The following GALNT18 variants were observed in gnomAD, a reference collection of about 807,000 sequenced individuals.
The protein encoded by GALNT18 is polypeptide N-acetylgalactosaminyltransferase 18.
A neutral mutation model predicts 69.5 loss-of-function variants in GALNT18; 44 were observed. That is an observed-to-expected ratio of 0.63 (90% CI 0.50 to 0.81). The LOEUF is 0.81. Among genes scored for constraint, GALNT18 ranks in the 40% least tolerant of loss-of-function variants. The probability of loss-of-function intolerance (pLI) is 0.00; values close to 1 mark genes in which losing one functional copy is unlikely to be tolerated. For synonymous variants in GALNT18, 364 were observed against 318.2 expected, an observed-to-expected ratio of 1.14 and a Z score of -1.53; for missense variants, 715 against 810.0, an observed-to-expected ratio of 0.88 and a Z score of 1.42.
intron 3 of GALNT18, among the ~76,000 whole-genome samples, chr11:11,381,720 C>G (rs12292122): frequency 0.033 from 5,088 of 152,276 alleles, 265 homozygotes; most frequent in African/African-American, 0.11. Flanking sequence ...CCCACAAAGG[C>G]CCCAGACAGG....
In GALNT18 at chr11:11,357,808, C is replaced by G. The variant is rs150585858; in HGVS notation, c.1092+14707G>C. 2.6e-5 allele frequency among the ~76,000 whole-genome samples: 4 copies of G among 152,262 alleles called. No homozygotes were observed. The East Asian group carries it at 7.7e-4, about 29-fold the overall frequency. ...GAATATAAGTTCTATGAGGGCAAAC[C>G]TAAGTTATCTCATTCATCACTGCAT... is the stretch of plus-strand genomic sequence containing the variant. On this transcript the variant is annotated intron_variant, in intron 6 of 10. Coordinates refer to ENST00000227756, the MANE Select transcript of GALNT18 (RefSeq NM_198516.3).
chr11:11,357,678 T>G (rs773667738), intron 6 of GALNT18, among the ~76,000 whole-genome samples: 5 of 152,188 alleles, frequency 3.3e-5, no homozygotes, highest in Non-Finnish European at 7.3e-5. Flanking sequence ...GCAAGTTCCT[T>G]AACTTCTCTG....
chr11:11,284,891 C>G (rs1849160207), intron 10 of GALNT18, among the ~76,000 whole-genome samples: 1 of 119,556 alleles, frequency 8.4e-6, no homozygotes, highest in Admixed American at 8.5e-5. Context: ...ACCTGATTTA[C>G]TAGTAAAGAC....
intron 3 of GALNT18, among the ~76,000 whole-genome samples, chr11:11,386,267 C>A (rs1252928718): frequency 6.6e-6 from 1 of 152,116 alleles, no homozygotes; most frequent in African/African-American, 2.4e-5. Flanking sequence ...AGTCCAGGTC[C>A]CCACAGCAGT....
chr11:11,351,420 G>C lies in GALNT18; in HGVS notation c.1093-10416C>G, dbSNP rs76550858. ...GGCAACTCCACTTACGCAAGAGGGA[G>C]CCAGCTGGTGAGGCCAGGGCTGCAG... On this transcript the variant is annotated intron_variant, in intron 6 of 10. Transcript: ENST00000227756. Among the ~76,000 whole-genome samples, 562 of 152,316 alleles carry C rather than the reference G, an allele frequency of 3.7e-3. 3 individuals carry two copies. Among genetic ancestry groups the C allele is most frequent in the African/African-American group, 0.013 (547 of 41,570 alleles).
intron 3 of GALNT18, among the ~76,000 whole-genome samples, chr11:11,400,394 C>T (rs1444168700): frequency 6.6e-6 from 1 of 152,166 alleles, no homozygotes; most frequent in Non-Finnish European, 1.5e-5. Context: ...ACAAAGTGTT[C>T]CTTCATATCC....
chr11:11,351,550 G>T (rs2133066939), intron 6 of GALNT18, among the ~76,000 whole-genome samples: 1 of 152,224 alleles, frequency 6.6e-6, no homozygotes, highest in African/African-American at 2.4e-5. Flanking sequence ...TCAAGTCCAG[G>T]CATATCTATG....
chr11:11,507,005 G>GAA (rs1227031953), intron 1 of GALNT18, among the ~76,000 whole-genome samples: 4 of 152,202 alleles, frequency 2.6e-5, no homozygotes, highest in Non-Finnish European at 5.9e-5. Flanking sequence ...GCACCTGCAA[G>GAA]AAAGTTACTC....
chr11:11,292,637 G>A (rs555488028), intron 10 of GALNT18, among the ~76,000 whole-genome samples: 1 of 152,238 alleles, frequency 6.6e-6, no homozygotes, highest in East Asian at 1.9e-4. Context: ...TAGGAGAAAC[G>A]TGAAGGTTTA....
chr11:11,379,724 T>G (rs1229424694), intron 3 of GALNT18, among the ~76,000 whole-genome samples: 3 of 152,162 alleles, frequency 2.0e-5, no homozygotes, highest in Admixed American at 2.0e-4. Context: ...CAGGGGAAGA[T>G]CCCTCTGCCA....
chr11:11,471,340 G>A (rs957581103), intron 1 of GALNT18, among the ~76,000 whole-genome samples: 5 of 152,160 alleles, frequency 3.3e-5, no homozygotes, highest in African/African-American at 9.7e-5. Context: ...GATAAGTCAT[G>A]CCCCACTTTA....
chr11:11,377,429 A>G lies in GALNT18; in HGVS notation c.780-50T>C. 6.4e-7 allele frequency: 1 copy of G among 1,557,196 alleles called. No individual in the cohort carries two copies. The highest frequency in any genetic ancestry group is 8.8e-7 in the Non-Finnish European group (1 of 1,130,264). ...GAGGGTAACCATTTCCAAGGTGGAAAAATCCAGAGTAGCATCTCCTGAAGG... is the reference window on the plus strand; with the variant it reads ...GAGGGTAACCATTTCCAAGGTGGAAGAATCCAGAGTAGCATCTCCTGAAGG... On this transcript the variant is annotated intron_variant, in intron 4 of 10. Transcript: ENST00000227756. This position sits in a 1 kb window ranked among gnomAD's most constrained non-coding sequence, Gnocchi z 4.6.
chr11:11,500,173 T>G lies in GALNT18; in HGVS notation c.236-51237A>C, dbSNP rs1856945810. 6.6e-6 allele frequency among the ~76,000 whole-genome samples: 1 copy of G among 152,152 alleles called. No individual in the cohort carries two copies. The highest frequency in any genetic ancestry group is 2.4e-5 in the African/African-American group (1 of 41,438). ...TCAAATAGGATCTCAAAGCAAGTGA[T>G]AAGGAAATAGGAGCCTATAGGGAGA... On this transcript the variant is annotated intron_variant, in intron 1 of 10. Coordinates refer to ENST00000227756, the MANE Select transcript of GALNT18 (RefSeq NM_198516.3). The surrounding 1 kb of genome is among the most constrained non-coding windows in gnomAD (Gnocchi z 5.0).
At chr11:11,514,560 T>C (rs1590064881) in intron 1 of GALNT18, among the ~76,000 whole-genome samples, 1 of 152,308 alleles carries the variant, frequency 6.6e-6, no homozygotes, top group East Asian at 1.9e-4. Flanking sequence ...TTGTCACCCA[T>C]CGGATTGCAG....
At position 11,338,777 on chromosome 11, in the gene GALNT18, T is replaced by C. The variant is rs1433525019; in HGVS notation, c.1278+2042A>G. ...GAGTAGATGATATTACCCAGGGAGA[T>C]GCGGAATAATGAGAGCAGTCTGCCA... On this transcript the variant is annotated intron_variant, in intron 7 of 10. Coordinates refer to ENST00000227756, the MANE Select transcript of GALNT18 (RefSeq NM_198516.3). This position sits in a 1 kb window ranked among gnomAD's most constrained non-coding sequence, Gnocchi z 5.3. 6.6e-6 allele frequency among the ~76,000 whole-genome samples: 1 copy of C among 151,924 alleles called. No individual in the cohort carries two copies. The highest frequency in any genetic ancestry group is 1.5e-5 in the Non-Finnish European group (1 of 67,984).
At chr11:11,502,283 C>G (rs1043532299) in intron 1 of GALNT18, among the ~76,000 whole-genome samples, 1 of 152,236 alleles carries the variant, frequency 6.6e-6, no homozygotes, top group Non-Finnish European at 1.5e-5. Context: ...CTCTCCTTCC[C>G]TTCTGTGTAC....
At chr11:11,517,275 A>C (rs1857302259) in intron 1 of GALNT18, among the ~76,000 whole-genome samples, 1 of 152,270 alleles carries the variant, frequency 6.6e-6, no homozygotes, top group South Asian at 2.1e-4. Context: ...AAAACAGGCC[A>C]GGTGGACACC....
rs1253110024 is a variant in GALNT18 at position 11,511,025 on chromosome 11, C to A, written c.236-62089G>T. Among the ~76,000 whole-genome samples, 2 of 152,086 alleles carry A rather than the reference C, an allele frequency of 1.3e-5. No individual in the cohort carries two copies. Among genetic ancestry groups the A allele is most frequent in the Non-Finnish European group, 2.9e-5 (2 of 68,022 alleles). On this transcript the variant is annotated intron_variant, in intron 1 of 10. Transcript: ENST00000227756. The surrounding 1 kb of genome is among the most constrained non-coding windows in gnomAD (Gnocchi z 4.9). Reference sequence around the variant, plus strand: ...CACTCTTTCCTCTCGGCGGGGCGTGCAGCTGGTACCGCCTTCCACTTGACT... The same window carrying A: ...CACTCTTTCCTCTCGGCGGGGCGTGAAGCTGGTACCGCCTTCCACTTGACT...
rs1853982678 is a variant in GALNT18, at chr11:11,383,816, CCTCTCTCTCTCTCTCTCTCTCTCTGT to C, written c.596-4578_596-4553del. On this transcript the variant is annotated intron_variant, in intron 3 of 10. Transcript: ENST00000227756. This position sits in a 1 kb window ranked among gnomAD's most constrained non-coding sequence, Gnocchi z 5.2. ...ATCTGATGGTTTAAGTGTGGCACTTCCTCTCTCTCTCTCTCTCTCTCTCTGTCTCTCTCTCCCTCTCTCTCCTGCCA... is the reference window on the plus strand; with the variant it reads ...ATCTGATGGTTTAAGTGTGGCACTTCCTCTCTCTCCCTCTCTCTCCTGCCA... Among the ~76,000 whole-genome samples, 1 of 147,712 alleles carries C rather than the reference CCTCTCTCTCTCTCTCTCTCTCTCTGT, an allele frequency of 6.8e-6. No homozygotes were observed. The highest frequency in any genetic ancestry group is 6.8e-5 in the Admixed American group (1 of 14,806).
Sources: allele counts gnomAD v4.1 joint callset (sites outside exome capture counted in the v4.1 genomes callset), GRCh38; gene constraint gnomAD v4.1.1; non-coding constraint Gnocchi (gnomAD v3.1); transcripts MANE v1.5; gene names NCBI Gene and HGNC (gene_info 2026-07-23, HGNC 2026-07-21).